HS3ST5: variants seen among roughly 807,000 people sequenced by gnomAD.
The protein encoded by HS3ST5 is heparan sulfate glucosamine 3-O-sulfotransferase 5.
HS3ST5 carries 10 observed loss-of-function variants against 25.4 expected under a neutral mutation model. That is an observed-to-expected ratio of 0.39 (90% CI 0.24 to 0.67). The LOEUF is 0.67. Ranked by LOEUF, HS3ST5 falls within the 30% of genes least tolerant of loss-of-function variation. HS3ST5 has a pLI of 0.44. For missense variants in HS3ST5, 324 were observed against 420.7 expected (o/e 0.77, Z 2.01); for synonymous variants, 170 against 162.4 (o/e 1.05, Z -0.36).
intron 1 of HS3ST5, among the ~76,000 whole-genome samples, chr6:114,275,799 T>G (rs1293663499): frequency 3.9e-5 from 6 of 152,012 alleles, no homozygotes. Flanking sequence ...TTCTTTTTAA[T>G]TTTTTCCCCA....
chr6:114,319,489 A>T (rs1397196373), intron 1 of HS3ST5, among the ~76,000 whole-genome samples: 1 of 152,126 alleles, frequency 6.6e-6, no homozygotes, highest in African/African-American at 2.4e-5. Context: ...AGTCTTTGTT[A>T]AGGGGCAACA....
chr6:114,131,381 A>C (rs1417634560), intron 3 of HS3ST5: 1 of 152,232 alleles, frequency 6.6e-6, no homozygotes, highest in Non-Finnish European at 1.5e-5. Context: ...AACTTTTAAA[A>C]AGTGACTTTT....
chr6:114,142,981 G>GC (rs1166085913), intron 3 of HS3ST5: 2 of 152,202 alleles, frequency 1.3e-5, no homozygotes, highest in Admixed American at 6.5e-5. Context: ...GTGGACGGTG[G>GC]CCACAGTGAA....
At position 114,111,209 on chromosome 6, in the gene HS3ST5, A is replaced by G. The variant is rs534653459; in HGVS notation, c.-32-48332T>C. Among the ~76,000 whole-genome samples, 10 of 152,336 alleles carry G rather than the reference A, an allele frequency of 6.6e-5. 1 individual carries two copies. The South Asian group carries it at 8.3e-4, about 13-fold the overall frequency. On this transcript the variant is annotated intron_variant, in intron 3 of 4. Coordinates refer to ENST00000312719, the MANE Select transcript of HS3ST5 (RefSeq NM_153612.4). ...CTCAGTCCATTTTGTACTGGTTTCA[A>G]TGGAGCATAACTAATTCAATGCTTT...
intron 1 of HS3ST5, among the ~76,000 whole-genome samples, chr6:114,267,215 A>G (rs1478087162): frequency 6.6e-6 from 1 of 152,198 alleles, no homozygotes; most frequent in Non-Finnish European, 1.5e-5. Context: ...TATGTGATAA[A>G]ATTATTTTTG....
chr6:114,184,195 A>C (rs141112397), intron 2 of HS3ST5, among the ~76,000 whole-genome samples: 119 of 151,762 alleles, frequency 7.8e-4, no homozygotes, highest in African/African-American at 2.8e-3. Flanking sequence ...CTAGCTGAGA[A>C]GATTTCTAAG....
intron 2 of HS3ST5, among the ~76,000 whole-genome samples, 169 bp from the exon 3 acceptor site, chr6:114,168,631 T>C (rs1779328990): frequency 6.6e-6 from 1 of 152,202 alleles, no homozygotes; most frequent in African/African-American, 2.4e-5. Flanking sequence ...CTTCCAGTCC[T>C]TTATTGAACA....
chr6:114,075,460 C>T (rs1412674191), intron 3 of HS3ST5, among the ~76,000 whole-genome samples: 2 of 152,220 alleles, frequency 1.3e-5, no homozygotes, highest in African/African-American at 4.8e-5. Flanking sequence ...GAAGTCTTCA[C>T]TGGGTATGTT....
At chr6:114,119,458 G>A (rs1455628620) in intron 3 of HS3ST5, among the ~76,000 whole-genome samples, 1 of 152,140 alleles carries the variant, frequency 6.6e-6, no homozygotes, top group African/African-American at 2.4e-5. Flanking sequence ...ACTGCAAATT[G>A]AAATTAAACT....
intron 2 of HS3ST5, among the ~76,000 whole-genome samples, chr6:114,199,856 G>A (rs1458821340): frequency 6.6e-6 from 1 of 152,104 alleles, no homozygotes; most frequent in Non-Finnish European, 1.5e-5. Flanking sequence ...CCAGTTTTGT[G>A]GCAAGTAGCT....
At chr6:114,096,329 C>T (rs9400693) in intron 3 of HS3ST5, among the ~76,000 whole-genome samples, 42,666 of 151,994 alleles carry the variant, frequency 0.28, 6,704 homozygotes, top group Admixed American at 0.4. Flanking sequence ...TCTTTTCATC[C>T]GGCTACATGA....
Position 114,057,364 on chromosome 6 carries a change from T to C in HS3ST5, c.934A>G (p.Ile312Val), listed in dbSNP as rs749887631. The C allele has an allele frequency of 1.9e-6, 3 of 1,614,026 alleles. No individual in the cohort carries two copies. The highest frequency in any genetic ancestry group is 1.3e-5 in the African/African-American group (1 of 74,914). ...ACAGAGGGGTCCACCTCTGGATGAA[T>C]GCGCCCCTTGCTGCCCGCCAGGCAC... Reference protein sequence around the residue: ...NKCLAGSKGRIHPEVDPSVIT... With the variant: ...NKCLAGSKGRVHPEVDPSVIT... Residue 312 changes from isoleucine (I) to valine (V), a missense_variant, in exon 5 of 5, where the codon ATT becomes GTT. Ile to Val is a conservative substitution (Grantham distance 29). Coordinates refer to ENST00000312719, the MANE Select transcript of HS3ST5 (RefSeq NM_153612.4).
At chr6:114,147,349 T>C (rs1395630913) in intron 3 of HS3ST5, among the ~76,000 whole-genome samples, 8 of 152,198 alleles carry the variant, frequency 5.3e-5, no homozygotes, top group Admixed American at 5.2e-4. Flanking sequence ...GAACGTGAGC[T>C]GAAGTGATGT....
chr6:114,114,368 T>G (rs1230020429), intron 3 of HS3ST5, among the ~76,000 whole-genome samples: 1 of 152,110 alleles, frequency 6.6e-6, no homozygotes, highest in African/African-American at 2.4e-5. Context: ...GAATAATCCC[T>G]CCCATTTCTG....
At chr6:114,237,324 G>A (rs935446899) in intron 1 of HS3ST5, among the ~76,000 whole-genome samples, 39 of 142,784 alleles carry the variant, frequency 2.7e-4, no homozygotes, top group Admixed American at 2.3e-3. Context: ...AACAAGATAC[G>A]AGTACTTTTT....
At chr6:114,325,798 G>A (rs930626020) in intron 1 of HS3ST5, among the ~76,000 whole-genome samples, 1 of 151,900 alleles carries the variant, frequency 6.6e-6, no homozygotes, top group Non-Finnish European at 1.5e-5. Flanking sequence ...CCTCCTGGAA[G>A]CATTTTCAGA....
At chr6:114,284,643 C>A (rs187514027) in intron 1 of HS3ST5, among the ~76,000 whole-genome samples, 357 of 151,722 alleles carry the variant, frequency 2.4e-3, no homozygotes, top group Non-Finnish European at 4.2e-3. Flanking sequence ...ATTAGTGTTA[C>A]AAATATTTAT....
intron 1 of HS3ST5, among the ~76,000 whole-genome samples, chr6:114,234,740 TTTTTG>T (rs1378936127): frequency 6.6e-6 from 1 of 152,230 alleles, no homozygotes; most frequent in East Asian, 1.9e-4. Flanking sequence ...TGCTAAACTT[TTTTTG>T]TTTTATTTAA....
At chr6:114,084,220 G>A in intron 3 of HS3ST5, 2 of 1,103,550 alleles carry the variant, frequency 1.8e-6, no homozygotes, top group Non-Finnish European at 2.7e-6. Context: ...AGCAATGGGA[G>A]CTGCAGACCA....
Sources: gnomAD v4.1 joint callset for allele counts (sites outside exome capture counted in the v4.1 genomes callset) on GRCh38, gnomAD v4.1.1 for gene constraint, MANE v1.5 for transcripts, NCBI Gene and HGNC (gene_info 2026-07-23, HGNC 2026-07-21) for gene names.